TRIM52: variants seen among roughly 807,000 people sequenced by gnomAD.
The protein encoded by TRIM52 is E3 ubiquitin-protein ligase TRIM52.
Under a neutral mutation model 27.0 loss-of-function variants are expected in TRIM52, and 24 were observed. The observed-to-expected ratio is 0.89, with a 90% CI of 0.64 to 1.25. The LOEUF (loss-of-function observed/expected upper bound fraction) is 1.25, where lower values mean the gene tolerates loss of function less well. Among genes scored for constraint, TRIM52 ranks in the 50% most tolerant of loss-of-function variants. TRIM52 has a pLI of 0.00. For synonymous variants in TRIM52, 125 were observed against 126.5 expected (o/e 0.99, Z 0.08); for missense variants, 351 against 354.7 (o/e 0.99, Z 0.08).
downstream of TRIM52, among the ~76,000 whole-genome samples, chr5:181,254,162 C>T (rs1759697485): frequency 7.3e-6 from 1 of 137,732 alleles, no homozygotes; most frequent in Non-Finnish European, 1.5e-5. Context: ...TGGTGGCGGG[C>T]GCCTGTAGTC....
At chr5:181,258,731 G>T (rs1268412782) in intron 1 of TRIM52, 1 of 144,876 alleles carries the variant, frequency 6.9e-6, no homozygotes, top group Non-Finnish European at 1.5e-5. Flanking sequence ...TTTAGATGAA[G>T]TATATACATG....
chr5:181,250,104 C>T (rs899519521), downstream of TRIM52, among the ~76,000 whole-genome samples: 44 of 149,930 alleles, frequency 2.9e-4, no homozygotes, highest in African/African-American at 7.9e-4. Context: ...AGAAGTCTGA[C>T]GTCTAGCAGT....
intron 1 of TRIM52, 44 bp downstream of exon 1, chr5:181,259,957 C>T (rs943957): frequency 0.22 from 353,774 of 1,611,988 alleles, 39,735 homozygotes; most frequent in African/African-American, 0.27. Flanking sequence ...TCCTAGTTAC[C>T]TTTCCACTCC....
chr5:181,260,798 T>C lies in TRIM52; in HGVS notation c.16A>G (p.Thr6Ala). ...AGGGTCTGCATGGGGCTGGGAGTAGTGGCATAACCAGCCATCTTAATGCCC... is the reference window on the plus strand; with the variant it reads ...AGGGTCTGCATGGGGCTGGGAGTAGCGGCATAACCAGCCATCTTAATGCCC... MAGYATTPSPMQTLQE... is the reference protein window; with the variant it reads MAGYAATPSPMQTLQE... Residue 6 changes from threonine (T) to alanine (A), a missense_variant, in exon 1 of 2, where the codon ACT becomes GCT. Coordinates refer to ENST00000688015, the MANE Select transcript of TRIM52 (RefSeq NM_001346048.2). This position sits in a 1 kb window ranked among gnomAD's most constrained non-coding sequence, Gnocchi z 4.4. 1.9e-6 allele frequency: 3 copies of C among 1,590,070 alleles called. No homozygotes were observed. The highest frequency in any genetic ancestry group is 2.6e-6 in the Non-Finnish European group (3 of 1,164,122).
chr5:181,257,414 T>C, intron 1 of TRIM52: 1 of 1,607,206 alleles, frequency 6.2e-7, no homozygotes, highest in Non-Finnish European at 8.5e-7. Context: ...TTCACACATC[T>C]TACTGATTAT....
In TRIM52 at chr5:181,260,269, G is replaced by A. The variant is rs1338294067; in HGVS notation, c.545C>T (p.Thr182Ile). 13 of 1,614,104 alleles carry A rather than the reference G, an allele frequency of 8.1e-6. No individual in the cohort carries two copies. Among genetic ancestry groups the A allele is most frequent in the African/African-American group, 5.3e-5 (4 of 74,940 alleles). ...AAAGCTCTTTCGGCACTGGGGGCAGGTGAACTGCCCTGGAAGGGGCAAGGA... is the reference window on the plus strand; with the variant it reads ...AAAGCTCTTTCGGCACTGGGGGCAGATGAACTGCCCTGGAAGGGGCAAGGA... ...PPSLPLPGQFTCPQCRKSFTR... is the reference protein window; with the variant it reads ...PPSLPLPGQFICPQCRKSFTR... The change falls in exon 1 of 2, where the codon ACC becomes ATC. Residue 182 changes from threonine to isoleucine, a missense_variant. By Grantham distance (89) the Thr-to-Ile change is moderately conservative. Transcript: ENST00000688015. This position sits in a 1 kb window ranked among gnomAD's most constrained non-coding sequence, Gnocchi z 4.4.
downstream of TRIM52, chr5:181,254,904 G>C (rs942275964): frequency 2.6e-5 from 4 of 152,220 alleles, no homozygotes; most frequent in Non-Finnish European, 5.9e-5. Context: ...CCAATCTGAA[G>C]ATGAGATCCA....
chr5:181,256,893 G>C (rs1184147215), intron 1 of TRIM52, 34 bp from the exon 2 acceptor site: 11 of 985,460 alleles, frequency 1.1e-5, no homozygotes, highest in Non-Finnish European at 1.3e-5. Context: ...CTTGAGAAAA[G>C]CCTCAACATT....
Position 181,260,079 on chromosome 5 carries a change from G to A in TRIM52, c.735C>T (p.Ile245=). ...KLFCEVDKEA[I]CVVCRESRSH... ...TCCTGGATTCTCGGCACACCACACA[G>A]ATGGCCTCTTTGTCCACCTCACAGA... Residue 245 remains isoleucine, a synonymous_variant, in exon 1 of 2, where the codon ATC becomes ATT. Transcript: ENST00000688015. The surrounding 1 kb of genome is among the most constrained non-coding windows in gnomAD (Gnocchi z 4.4). 1 of 1,614,172 alleles carries A rather than the reference G, an allele frequency of 6.2e-7. No individual in the cohort carries two copies. The highest frequency in any genetic ancestry group is 1.1e-5 in the South Asian group (1 of 91,082).
At position 181,260,514 on chromosome 5, in the gene TRIM52, A is replaced by C; in HGVS notation, c.300T>G (p.Asp100Glu). The C allele has an allele frequency of 6.2e-7, 1 of 1,613,312 alleles. No homozygotes were observed. Among genetic ancestry groups the C allele is most frequent in the Non-Finnish European group, 8.5e-7 (1 of 1,179,864 alleles). Residue 100 changes from aspartate (D) to glutamate (E), a missense_variant, in exon 1 of 2, where the codon GAT becomes GAG. Transcript: ENST00000688015. The surrounding 1 kb of genome is among the most constrained non-coding windows in gnomAD (Gnocchi z 4.4). ...NADEELFQDQ[D>E]DDELWLGDSG... Reference sequence around the variant, plus strand: ...TGTCACCGAGCCAGAGTTCATCGTCATCTTGGTCTTGGAACAACTCTTCGT... The same window carrying C: ...TGTCACCGAGCCAGAGTTCATCGTCCTCTTGGTCTTGGAACAACTCTTCGT...
At position 181,259,978 on chromosome 5, in the gene TRIM52, C is replaced by T. The variant is rs201594131; in HGVS notation, c.813+23G>A. 416 of 1,612,994 alleles carry T rather than the reference C, an allele frequency of 2.6e-4. 1 individual carries two copies. The highest frequency in any genetic ancestry group is 3.4e-4 in the Non-Finnish European group (396 of 1,180,034). On this transcript the variant is annotated intron_variant, in intron 1 of 1. Coordinates refer to ENST00000688015, the MANE Select transcript of TRIM52 (RefSeq NM_001346048.2). ...TTACCTTTCCACTCCCTTCATCCCC[C>T]CACATTCCCTCATTTCTCTCACCTG...
In TRIM52 at chr5:181,256,760, ACACTC is replaced by A. The variant is rs887313340; in HGVS notation, c.*44_*48del. On this transcript the variant is annotated 3_prime_UTR_variant, in exon 2 of 2. Transcript: ENST00000688015. ...GCTGCAGAGAATCGGGCTTTGCAGA[ACACTC>A]CACTGTTTTTAATGGCATGAATTTA... 23 of 964,024 alleles carry A rather than the reference ACACTC, an allele frequency of 2.4e-5. No individual in the cohort carries two copies. The African/African-American group carries it at 3.9e-4, about 16-fold the overall frequency. The allele number at this position is 964,024 out of a possible 1,614,324, so 59.7% of individuals were successfully genotyped here.
chr5:181,260,928 C>T lies in TRIM52; in HGVS notation c.-115G>A. 7.0e-7 allele frequency: 1 copy of T among 1,430,186 alleles called. No individual in the cohort carries two copies. Among genetic ancestry groups the T allele is most frequent in the South Asian group, 1.5e-5 (1 of 66,596 alleles). 88.6% of individuals were successfully genotyped at this position (1,430,186 alleles called of 1,614,324 possible). ...ACCCGAGGCTGTCCTCAACCTTGCT[C>T]TTCTTCCTCGGGGCCGCAGGGGAGC... On this transcript the variant is annotated 5_prime_UTR_variant, in exon 1 of 2. Coordinates refer to ENST00000688015, the MANE Select transcript of TRIM52 (RefSeq NM_001346048.2). This position sits in a 1 kb window ranked among gnomAD's most constrained non-coding sequence, Gnocchi z 4.4.
In TRIM52 at chr5:181,256,714, T is replaced by C; in HGVS notation, c.*95A>G. 1 of 773,306 alleles carries C rather than the reference T, an allele frequency of 1.3e-6. No individual in the cohort carries two copies. The highest frequency in any genetic ancestry group is 1.6e-6 in the Non-Finnish European group (1 of 636,416). The allele number at this position is 773,306 out of a possible 1,614,324, so 47.9% of individuals were successfully genotyped here. The stretch of plus-strand genomic sequence containing the variant: ...GGCTTGGAAGATTCCTGTGAATATT[T>C]CAATACTGTCCAGTCTTAAAGCTGC... On this transcript the variant is annotated 3_prime_UTR_variant, in exon 2 of 2. Coordinates refer to ENST00000688015, the MANE Select transcript of TRIM52 (RefSeq NM_001346048.2).
At chr5:181,251,395 C>G (rs758619106), downstream of TRIM52, among the ~76,000 whole-genome samples, 5 of 152,072 alleles carry the variant, frequency 3.3e-5, no homozygotes, top group Non-Finnish European at 5.9e-5. Context: ...TTCTTAAAGG[C>G]TATTTTTATT....
rs960396420 is a variant in TRIM52 at position 181,256,425 on chromosome 5, G to T, written c.*384C>A. ...GCTCTATTGCCCAGGCTGGAGTGCA[G>T]TGGCTCAGTCTCGGCTTACTGCAAG... is the stretch of plus-strand genomic sequence containing the variant. On this transcript the variant is annotated 3_prime_UTR_variant, in exon 2 of 2. Transcript: ENST00000688015. 1 of 151,308 alleles carries T rather than the reference G, an allele frequency of 6.6e-6. No homozygotes were observed. Among genetic ancestry groups the T allele is most frequent in the African/African-American group, 2.4e-5 (1 of 41,094 alleles). 9.4% of individuals were successfully genotyped at this position (151,308 alleles called of 1,614,324 possible). A position where few individuals can be genotyped will look rare whatever the true frequency, so the allele number is the denominator to read the frequency against.
At chr5:181,257,375 A>G in intron 1 of TRIM52, 1 of 1,566,902 alleles carries the variant, frequency 6.4e-7, no homozygotes, top group South Asian at 1.2e-5. Flanking sequence ...TCATATCCTT[A>G]ATGAACACCT....
At chr5:181,249,107 C>T (rs12657398), downstream of TRIM52, among the ~76,000 whole-genome samples, 19,768 of 152,188 alleles carry the variant, frequency 0.13, 2,073 homozygotes, top group African/African-American at 0.27. Flanking sequence ...TAAAAACGCA[C>T]TTATTGTCAC....
At position 181,260,725 on chromosome 5, in the gene TRIM52, G is replaced by T; in HGVS notation, c.89C>A (p.Pro30His). Reference sequence around the variant, plus strand: ...GTTGTGCCCACAGCTGATGGACACGGGGTCCTTGAAGTAATCCAAGCAGAT... The same window carrying T: ...GTTGTGCCCACAGCTGATGGACACGTGGTCCTTGAAGTAATCCAAGCAGAT... Reference protein sequence around the residue: ...CAICLDYFKDPVSISCGHNFC... With the variant: ...CAICLDYFKDHVSISCGHNFC... Residue 30 changes from proline to histidine, a missense_variant, in exon 1 of 2, where the codon CCC becomes CAC. Pro to His is a moderately conservative substitution (Grantham distance 77, BLOSUM62 -2). Transcript: ENST00000688015. This position sits in a 1 kb window ranked among gnomAD's most constrained non-coding sequence, Gnocchi z 4.4. The T allele has an allele frequency of 6.2e-7, 1 of 1,613,996 alleles. No individual in the cohort carries two copies. Among genetic ancestry groups the T allele is most frequent in the Non-Finnish European group, 8.5e-7 (1 of 1,180,016 alleles).
Sources: gnomAD v4.1 joint callset for allele counts (sites outside exome capture counted in the v4.1 genomes callset) on GRCh38, gnomAD v4.1.1 for gene constraint, Gnocchi (gnomAD v3.1) non-coding constraint, MANE v1.5 for transcripts, NCBI Gene and HGNC (gene_info 2026-07-23, HGNC 2026-07-21) for gene names.